TRPS1: variants seen among roughly 807,000 people sequenced by gnomAD.
TRPS1 encodes the protein zinc finger transcription factor Trps1.
TRPS1 carries 6 observed loss-of-function variants against 101.2 expected under a neutral mutation model. That is an observed-to-expected ratio of 0.06 (90% confidence interval 0.03 to 0.12). The LOEUF (loss-of-function observed/expected upper bound fraction) is 0.12. TRPS1 is among the 10% of genes least tolerant of loss of function. The pLI is 1.00. For missense variants in TRPS1, 1,363 were observed against 1,567.0 expected (o/e 0.87, Z 2.20); for synonymous variants, 578 against 589.8 (o/e 0.98, Z 0.29).
chr8:115,508,993 C>A (rs1815513523), intron 5 of TRPS1, among the ~76,000 whole-genome samples: 1 of 151,782 alleles, frequency 6.6e-6, no homozygotes, highest in Non-Finnish European at 1.5e-5. Flanking sequence ...GCATTTGGGG[C>A]TTTCCTTCTC....
intron 1 of TRPS1, among the ~76,000 whole-genome samples, chr8:115,641,378 T>C (rs976580671): frequency 3.3e-5 from 5 of 152,286 alleles, no homozygotes; most frequent in South Asian, 4.1e-4. Flanking sequence ...TTTTAGCAAA[T>C]ACACTAGTGG....
At chr8:115,427,412 G>A (rs898618549) in intron 5 of TRPS1, among the ~76,000 whole-genome samples, 1 of 151,998 alleles carries the variant, frequency 6.6e-6, no homozygotes, top group Non-Finnish European at 1.5e-5. Flanking sequence ...GATAACATAT[G>A]ATAGGCCTAG....
chr8:115,498,964 T>C (rs974476763), intron 5 of TRPS1, among the ~76,000 whole-genome samples: 1 of 152,168 alleles, frequency 6.6e-6, no homozygotes, highest in Non-Finnish European at 1.5e-5. Context: ...ATCCTTTTAA[T>C]CTGCTTATTA....
intron 5 of TRPS1, among the ~76,000 whole-genome samples, chr8:115,429,556 G>C (rs1291876362): frequency 1.3e-5 from 2 of 152,052 alleles, no homozygotes; most frequent in African/African-American, 4.8e-5. Context: ...ATTCTGGAGA[G>C]TGCCCCTCAG....
intron 5 of TRPS1, among the ~76,000 whole-genome samples, chr8:115,519,290 A>G (rs942681685): frequency 4.0e-5 from 6 of 151,746 alleles, no homozygotes; most frequent in African/African-American, 1.4e-4. Flanking sequence ...ATAACTTCTT[A>G]ACAATATTAT....
At chr8:115,530,141 G>A (rs16887534) in intron 5 of TRPS1, among the ~76,000 whole-genome samples, 5,526 of 152,102 alleles carry the variant, frequency 0.036, 381 homozygotes, top group African/African-American at 0.13. Context: ...ACCGTGTTGT[G>A]TCATTATTCT....
intron 5 of TRPS1, among the ~76,000 whole-genome samples, chr8:115,445,145 C>T (rs1334712558): frequency 6.6e-6 from 1 of 152,162 alleles, no homozygotes; most frequent in African/African-American, 2.4e-5. Context: ...ACCTCATACA[C>T]TCCCAGCTCA....
chr8:115,452,680 G>GGGATGCTT (rs2129933967), intron 5 of TRPS1, among the ~76,000 whole-genome samples: 1 of 152,210 alleles, frequency 6.6e-6, no homozygotes, highest in African/African-American at 2.4e-5. Context: ...CCGCAGCCTT[G>GGGATGCTT]GGATGCTTGG....
At chr8:115,554,376 T>C (rs1028649369) in intron 5 of TRPS1, among the ~76,000 whole-genome samples, 7 of 152,128 alleles carry the variant, frequency 4.6e-5, no homozygotes, top group Non-Finnish European at 5.9e-5. Context: ...CCCCACCTCA[T>C]ACCAAAGACA....
At chr8:115,545,376 G>C (rs1816546489) in intron 5 of TRPS1, among the ~76,000 whole-genome samples, 1 of 152,120 alleles carries the variant, frequency 6.6e-6, no homozygotes, top group East Asian at 1.9e-4. Flanking sequence ...TCACTGGATG[G>C]TGGAAGACGT....
At chr8:115,639,090 G>A (rs1818836128) in intron 1 of TRPS1, among the ~76,000 whole-genome samples, 2 of 152,062 alleles carry the variant, frequency 1.3e-5, no homozygotes, top group African/African-American at 4.8e-5. Flanking sequence ...CTGAAACAGG[G>A]TCTTGCTCTG....
Position 115,587,176 on chromosome 8 carries a change from T to A in TRPS1, c.2525A>T (p.Asp842Val). The change falls in exon 5 of 7, where the codon GAT becomes GTT. Residue 842 changes from aspartate (D) to valine (V), a missense_variant. This residue lies in a region of TRPS1 where 1,020 missense variants were observed against 1,073.0 expected (regional missense o/e 0.95). Coordinates refer to ENST00000395715, the MANE Select transcript of TRPS1 (RefSeq NM_014112.5). ...ATGGGCGGCCTCCACATTGGGACTATCCCTTAGAGTCTTTGTCTGCTCTTG... is the reference window on the plus strand; with the variant it reads ...ATGGGCGGCCTCCACATTGGGACTAACCCTTAGAGTCTTTGTCTGCTCTTG... ...GTQEQTKTLR[D>V]SPNVEAAHLA... 6.2e-7 allele frequency: 1 copy of A among 1,614,196 alleles called. No individual in the cohort carries two copies. Among genetic ancestry groups the A allele is most frequent in the Non-Finnish European group, 8.5e-7 (1 of 1,180,024 alleles).
chr8:115,527,955 C>T (rs1256870864), intron 5 of TRPS1, among the ~76,000 whole-genome samples: 1 of 152,004 alleles, frequency 6.6e-6, no homozygotes, highest in East Asian at 1.9e-4. Context: ...TTCCAGCCAT[C>T]TTAGATTTCA....
chr8:115,611,111 C>T (rs572040272), intron 3 of TRPS1, among the ~76,000 whole-genome samples: 29 of 123,622 alleles, frequency 2.3e-4, no homozygotes, highest in South Asian at 5.3e-4. Context: ...AGCAAGACTC[C>T]ATATCAAAAA....
At chr8:115,429,433 T>G (rs1486503927) in intron 5 of TRPS1, among the ~76,000 whole-genome samples, 1 of 152,132 alleles carries the variant, frequency 6.6e-6, no homozygotes, top group Non-Finnish European at 1.5e-5. Flanking sequence ...TTGTCTTGGG[T>G]AGGAAACTGC....
intron 5 of TRPS1, among the ~76,000 whole-genome samples, chr8:115,442,842 A>T (rs1813639504): frequency 6.6e-6 from 1 of 151,896 alleles, no homozygotes; most frequent in African/African-American, 2.4e-5. Flanking sequence ...CGGTAATCCC[A>T]GCACTTTGGG....
intron 1 of TRPS1, among the ~76,000 whole-genome samples, chr8:115,633,275 A>G (rs1340821186): frequency 6.6e-6 from 1 of 152,118 alleles, no homozygotes; most frequent in Non-Finnish European, 1.5e-5. Flanking sequence ...ATGAAGGGCA[A>G]AAACAAGAGA....
intron 1 of TRPS1, among the ~76,000 whole-genome samples, chr8:115,663,127 T>C (rs533965318): frequency 9.2e-5 from 14 of 152,064 alleles, no homozygotes; most frequent in South Asian, 2.1e-4. Context: ...CAAAGAGCAA[T>C]TGGAGAAATC....
At position 115,414,806 on chromosome 8, in the gene TRPS1, C is replaced by A. The variant is rs202057117; in HGVS notation, c.3102G>T (p.Leu1034=). 2.0e-5 allele frequency: 32 copies of A among 1,613,824 alleles called. No individual in the cohort carries two copies. Among genetic ancestry groups the A allele is most frequent in the Non-Finnish European group, 2.6e-5 (31 of 1,179,946 alleles). The change falls in exon 7 of 7, where the codon CTG becomes CTT. Residue 1034 remains leucine, a synonymous_variant. Coordinates refer to ENST00000395715, the MANE Select transcript of TRPS1 (RefSeq NM_014112.5). The surrounding 1 kb of genome is among the most constrained non-coding windows in gnomAD (Gnocchi z 4.8). ...TGTGAATATCCAGAGTTTGGCTGAC[C>A]AGGACTGGCTGCTGAGCAGAATGGC... The part of the protein sequence containing the change: ...TKSHSAQQPV[L]VSQTLDIHKR...
Sources: allele counts gnomAD v4.1 joint callset (sites outside exome capture counted in the v4.1 genomes callset), GRCh38; gene constraint gnomAD v4.1.1; regional missense constraint gnomAD v4.1.1; non-coding constraint Gnocchi (gnomAD v3.1); transcripts MANE v1.5; gene names NCBI Gene and HGNC (gene_info 2026-07-23, HGNC 2026-07-21).